ZNF639: variants seen among roughly 807,000 people sequenced by gnomAD.
ZNF639 encodes the protein zinc finger protein 639.
Under a neutral mutation model 39.8 loss-of-function variants are expected in ZNF639, and 20 were observed. The ratio of observed to expected loss-of-function variants is 0.50; its 90% confidence interval spans 0.35 to 0.73. The LOEUF (loss-of-function observed/expected upper bound fraction) is 0.73. ZNF639 is among the 30% of genes least tolerant of loss of function. The probability of loss-of-function intolerance (pLI) is 0.00; values close to 1 mark genes in which losing one functional copy is unlikely to be tolerated. For missense variants in ZNF639, 477 were observed against 566.2 expected (o/e 0.84, Z 1.60); for synonymous variants, 176 against 189.8 (o/e 0.93, Z 0.60).
At position 179,335,007 on chromosome 3, in the gene ZNF639, G is replaced by C. The variant is rs2108509418; in HGVS notation, c.*585G>C. On this transcript the variant is annotated 3_prime_UTR_variant, in exon 6 of 6. Coordinates refer to ENST00000496856, the MANE Select transcript of ZNF639 (RefSeq NM_001303426.2). ...GATGGGATGAGGGAGGAACTAATAA[G>C]GGCTTACACAATAAAAAATAACTAT... 6.6e-6 allele frequency: 1 copy of C among 152,160 alleles called. No individual in the cohort carries two copies. The highest frequency in any genetic ancestry group is 2.4e-5 in the African/African-American group (1 of 41,510). The allele number at this position is 152,160 out of a possible 1,614,324, so 9.4% of individuals were successfully genotyped here.
At chr3:179,325,950 T>G (rs1727567659) in intron 1 of ZNF639, among the ~76,000 whole-genome samples, 1 of 152,164 alleles carries the variant, frequency 6.6e-6, no homozygotes, top group Non-Finnish European at 1.5e-5. Context: ...ATCACTTCAG[T>G]GCTGATATAC....
At position 179,333,769 on chromosome 3, in the gene ZNF639, A is replaced by G. The variant is rs1247948616; in HGVS notation, c.805A>G (p.Thr269Ala). The change falls in exon 6 of 6, where the codon ACA becomes GCA. Residue 269 changes from threonine to alanine, a missense_variant. By Grantham distance (58) the Thr-to-Ala change is moderately conservative (BLOSUM62 0). Transcript: ENST00000496856. ...CATTTGTAAATACTGTGATTATAAGACAGTAATTTTTGAGAACCTCAGCCA... is the reference window on the plus strand; with the variant it reads ...CATTTGTAAATACTGTGATTATAAGGCAGTAATTTTTGAGAACCTCAGCCA... ...PYICKYCDYK[T>A]VIFENLSQHI... is the part of the protein sequence containing the mutation. 1.2e-6 allele frequency: 2 copies of G among 1,614,070 alleles called. No homozygotes were observed. Among genetic ancestry groups the G allele is most frequent in the African/African-American group, 1.3e-5 (1 of 74,930 alleles).
At chr3:179,328,409 T>C in intron 3 of ZNF639, 58 bp downstream of exon 3, 1 of 1,219,958 alleles carries the variant, frequency 8.2e-7, no homozygotes, top group South Asian at 1.4e-5. Context: ...AATTATATTC[T>C]CATCCATTTT....
In ZNF639 at chr3:179,334,265, A is replaced by G; in HGVS notation, c.1301A>G (p.Gln434Arg). Residue 434 changes from glutamine (Q) to arginine (R), a missense_variant, in exon 6 of 6, where the codon CAA (glutamine) becomes CGA (arginine). Coordinates refer to ENST00000496856, the MANE Select transcript of ZNF639 (RefSeq NM_001303426.2). ...TTATCTGAAGGGATTTATTTATGTC[A>G]ATATTGTGAATATTCAACAGGACAA... ...SHLSEGIYLC[Q>R]YCEYSTGQIE... 6.2e-7 allele frequency: 1 copy of G among 1,612,652 alleles called. No individual in the cohort carries two copies. The highest frequency in any genetic ancestry group is 8.5e-7 in the Non-Finnish European group (1 of 1,179,258).
At position 179,328,301 on chromosome 3, in the gene ZNF639, A is replaced by G. The variant is rs1022419033; in HGVS notation, c.8A>G (p.Glu3Gly). Reference sequence around the variant, plus strand: ...TTTTTAGATTGAAAAGATATGAATGAGTATCCTAAAAAAAGAAAAAGGAAG... The same window carrying G: ...TTTTTAGATTGAAAAGATATGAATGGGTATCCTAAAAAAAGAAAAAGGAAG... MN[E>G]YPKKRKRKTL... The change falls in exon 3 of 6, where the codon GAG becomes GGG. Residue 3 changes from glutamate (E) to glycine (G), a missense_variant. Glu to Gly is a moderately conservative substitution (Grantham distance 98). Transcript: ENST00000496856. 4 of 1,574,396 alleles carry G rather than the reference A, an allele frequency of 2.5e-6. No individual in the cohort carries two copies. Among genetic ancestry groups the G allele is most frequent in the Non-Finnish European group, 2.6e-6 (3 of 1,155,330 alleles).
At position 179,334,343 on chromosome 3, in the gene ZNF639, A is replaced by G; in HGVS notation, c.1379A>G (p.His460Arg). Residue 460 changes from histidine (H) to arginine (R), a missense_variant, in exon 6 of 6, where the codon CAT (histidine) becomes CGT (arginine). His to Arg is a conservative substitution (Grantham distance 29). Coordinates refer to ENST00000496856, the MANE Select transcript of ZNF639 (RefSeq NM_001303426.2). ...TTCAAGCATTCAGCTGACTTGCCTC[A>G]TAAATGTAGTGACTGCTTGATGAGG... is the stretch of plus-strand genomic sequence containing the variant. ...LDFKHSADLPHKCSDCLMRFG... is the reference protein window; with the variant it reads ...LDFKHSADLPRKCSDCLMRFG... 1 of 1,610,822 alleles carries G rather than the reference A, an allele frequency of 6.2e-7. No homozygotes were observed. Among genetic ancestry groups the G allele is most frequent in the Non-Finnish European group, 8.5e-7 (1 of 1,178,852 alleles).
Position 179,333,263 on chromosome 3 carries a change from C to A in ZNF639, c.305-6C>A, listed in dbSNP as rs763466786. 2 of 1,592,940 alleles carry A rather than the reference C, an allele frequency of 1.3e-6. No homozygotes were observed. The highest frequency in any genetic ancestry group is 4.5e-5 in the East Asian group (2 of 44,594). ...AGTCATATAATAGGTTTGTTTTATT[C>A]TTCAGAAAAATCTGCTGATATTGTA... is the stretch of plus-strand genomic sequence containing the variant. On this transcript the variant is annotated splice_region_variant and splice_polypyrimidine_tract_variant and intron_variant, in intron 5 of 5. Coordinates refer to ENST00000496856, the MANE Select transcript of ZNF639 (RefSeq NM_001303426.2).
At chr3:179,324,211 T>C (rs1374985175) in intron 1 of ZNF639, among the ~76,000 whole-genome samples, 1 of 152,232 alleles carries the variant, frequency 6.6e-6, no homozygotes, top group Non-Finnish European at 1.5e-5. Flanking sequence ...ATACATTGCA[T>C]GAAAGGCCTT....
rs1463418400 is a variant in ZNF639, at chr3:179,335,376, G to A, written c.*954G>A. ...CAAATCACTGGGATTATAGGCATGA[G>A]CCATTATGCCTGACTCTTGCCCAAA... is the stretch of plus-strand genomic sequence containing the variant. On this transcript the variant is annotated 3_prime_UTR_variant, in exon 6 of 6. Coordinates refer to ENST00000496856, the MANE Select transcript of ZNF639 (RefSeq NM_001303426.2). The A allele has an allele frequency of 6.6e-6, 1 of 152,178 alleles. No individual in the cohort carries two copies. The highest frequency in any genetic ancestry group is 1.5e-5 in the Non-Finnish European group (1 of 68,032). The allele number at this position is 152,178 out of a possible 1,614,324, so 9.4% of individuals were successfully genotyped here. A position where few individuals can be genotyped will look rare whatever the true frequency, so the allele number is the denominator to read the frequency against.
rs1229132278 is a variant in ZNF639, at chr3:179,333,291, T to A, written c.327T>A (p.Ile109=). The change falls in exon 6 of 6, where the codon ATT becomes ATA. Residue 109 remains isoleucine, a synonymous_variant. Coordinates refer to ENST00000496856, the MANE Select transcript of ZNF639 (RefSeq NM_001303426.2). ...CAGAAAAATCTGCTGATATTGTAAT[T>A]TGTGATGAAGAGTGTGACTCACCTG... ...FSTEKSADIV[I]CDEECDSPES... 1.2e-6 allele frequency: 2 copies of A among 1,602,778 alleles called. No homozygotes were observed. The highest frequency in any genetic ancestry group is 2.7e-5 in the African/African-American group (2 of 74,268).
rs1302734738 is a variant in ZNF639, at chr3:179,333,325, A to T, written c.361A>T (p.Asn121Tyr). The change falls in exon 6 of 6, where the codon AAC (asparagine) becomes TAC (tyrosine). Residue 121 changes from asparagine (N) to tyrosine (Y), a missense_variant. Transcript: ENST00000496856. ...DEECDSPESV[N>Y]QQTQEESPIE... Reference sequence around the variant, plus strand: ...AGAGTGTGACTCACCTGAATCAGTCAACCAGCAAACCCAAGAGGAGAGTCC... The same window carrying T: ...AGAGTGTGACTCACCTGAATCAGTCTACCAGCAAACCCAAGAGGAGAGTCC... 1 of 1,613,684 alleles carries T rather than the reference A, an allele frequency of 6.2e-7. No homozygotes were observed. The highest frequency in any genetic ancestry group is 1.1e-5 in the South Asian group (1 of 90,884).
At chr3:179,324,210 A>T (rs1727451632) in intron 1 of ZNF639, among the ~76,000 whole-genome samples, 1 of 152,254 alleles carries the variant, frequency 6.6e-6, no homozygotes. Context: ...TATACATTGC[A>T]TGAAAGGCCT....
chr3:179,329,973 C>T (rs1218082673), intron 4 of ZNF639: 5 of 227,978 alleles, frequency 2.2e-5, no homozygotes, highest in Admixed American at 6.3e-5. Context: ...AGTGCAGCAG[C>T]GCGATCTTGG....
Position 179,323,103 on chromosome 3 carries a change from C to T in ZNF639, c.-271C>T. On this transcript the variant is annotated 5_prime_UTR_variant, in exon 1 of 6. Transcript: ENST00000496856. Reference sequence around the variant, plus strand: ...CGCGGAGCCTAGGCCAGGGGCCTGGCGCTCAGGGCGTGGGGCGCGCGGGGA... The same window carrying T: ...CGCGGAGCCTAGGCCAGGGGCCTGGTGCTCAGGGCGTGGGGCGCGCGGGGA... 1 of 984,668 alleles carries T rather than the reference C, an allele frequency of 1.0e-6. No homozygotes were observed. The highest frequency in any genetic ancestry group is 1.2e-6 in the Non-Finnish European group (1 of 829,832). The allele number at this position is 984,668 out of a possible 1,614,324, so 61.0% of individuals were successfully genotyped here. A position where few individuals can be genotyped will look rare whatever the true frequency, so the allele number is the denominator to read the frequency against.
rs1272421578 is a variant in ZNF639 at position 179,338,139 on chromosome 3, T to A, written c.*3717T>A. On this transcript the variant is annotated 3_prime_UTR_variant, in exon 6 of 6. Transcript: ENST00000496856. The stretch of plus-strand genomic sequence containing the variant: ...AAAATTAACACTCCTGGTTTTGTTT[T>A]GTTTTTTGTTTTGTTTTACTTCAGA... 1 of 151,538 alleles carries A rather than the reference T, an allele frequency of 6.6e-6. No individual in the cohort carries two copies. The highest frequency in any genetic ancestry group is 1.5e-5 in the Non-Finnish European group (1 of 67,938). 9.4% of individuals were successfully genotyped at this position (151,538 alleles called of 1,614,324 possible).
intron 1 of ZNF639, among the ~76,000 whole-genome samples, chr3:179,326,303 A>AT (rs528991224): frequency 3.6e-4 from 54 of 151,222 alleles, no homozygotes; most frequent in African/African-American, 1.2e-3. Flanking sequence ...AGAGGTTGCA[A>AT]TGAGCCAAGA....
In ZNF639 at chr3:179,333,709, A is replaced by T. The variant is rs750077224; in HGVS notation, c.745A>T (p.Ile249Leu). Residue 249 changes from isoleucine to leucine, a missense_variant, in exon 6 of 6, where the codon ATA becomes TTA. By Grantham distance (5) the Ile-to-Leu change is conservative. Coordinates refer to ENST00000496856, the MANE Select transcript of ZNF639 (RefSeq NM_001303426.2). Reference sequence around the variant, plus strand: ...AAGTTTCTCTACCAATATGCTTCTGATAGAACATGCCAAACTGCATGAAGA... The same window carrying T: ...AAGTTTCTCTACCAATATGCTTCTGTTAGAACATGCCAAACTGCATGAAGA... ...KESFSTNMLLIEHAKLHEEDP... is the reference protein window; with the variant it reads ...KESFSTNMLLLEHAKLHEEDP... 1.9e-6 allele frequency: 3 copies of T among 1,614,054 alleles called. No individual in the cohort carries two copies. The highest frequency in any genetic ancestry group is 3.3e-5 in the Admixed American group (2 of 59,998).
intron 4 of ZNF639, chr3:179,329,964 G>T: frequency 4.0e-6 from 1 of 247,698 alleles, no homozygotes; most frequent in Non-Finnish European, 7.7e-6. Flanking sequence ...CCAGGCTGGA[G>T]TGCAGCAGCG....
rs1378881413 is a variant in ZNF639, at chr3:179,337,533, C to T, written c.*3111C>T. The T allele has an allele frequency of 7.2e-6, 1 of 138,246 alleles. No individual in the cohort carries two copies. The highest frequency in any genetic ancestry group is 2.4e-4 in the East Asian group (1 of 4,206). The allele number at this position is 138,246 out of a possible 1,614,324, so 8.6% of individuals were successfully genotyped here. A position where few individuals can be genotyped will look rare whatever the true frequency, so the allele number is the denominator to read the frequency against. ...TGTGTTTTTAATAGAGACGGGGTTTCACCATGTTGACCAGGCTGGTCTTGA... is the reference window on the plus strand; with the variant it reads ...TGTGTTTTTAATAGAGACGGGGTTTTACCATGTTGACCAGGCTGGTCTTGA... On this transcript the variant is annotated 3_prime_UTR_variant, in exon 6 of 6. Coordinates refer to ENST00000496856, the MANE Select transcript of ZNF639 (RefSeq NM_001303426.2).
Sources: allele counts gnomAD v4.1 joint callset (sites outside exome capture counted in the v4.1 genomes callset), GRCh38; gene constraint gnomAD v4.1.1; transcripts MANE v1.5; gene names NCBI Gene and HGNC (gene_info 2026-07-23, HGNC 2026-07-21).